Variants in CSF1 observed in about 807,000 individuals in gnomAD.
CSF1 encodes the protein colony stimulating factor 1, also known as macrophage colony-stimulating factor 1.
CSF1 carries 9 observed loss-of-function variants against 48.9 expected under a neutral mutation model. That is an observed-to-expected ratio of 0.18 (90% CI 0.11 to 0.32). The LOEUF is 0.32. CSF1 is among the 10% of genes least tolerant of loss of function. The probability of loss-of-function intolerance (pLI) is 1.00; values close to 1 mark genes in which losing one functional copy is unlikely to be tolerated. For missense variants in CSF1, 672 were observed against 697.9 expected (o/e 0.96, Z 0.42); for synonymous variants, 305 against 284.1 (o/e 1.07, Z -0.74).
At chr1:109,920,619 T>G (rs998667021) in intron 4 of CSF1, among the ~76,000 whole-genome samples, 9 of 152,264 alleles carry the variant, frequency 5.9e-5, no homozygotes, top group African/African-American at 2.2e-4. Flanking sequence ...ACCCGGCCTA[T>G]CTGGTAAACA....
intron 4 of CSF1, among the ~76,000 whole-genome samples, chr1:109,917,847 A>G (rs2101645694): frequency 6.6e-6 from 1 of 152,368 alleles, no homozygotes; most frequent in South Asian, 2.1e-4. Flanking sequence ...AACAGCTGTG[A>G]TGAAAACAGA....
At position 109,929,301 on chromosome 1, in the gene CSF1, G is replaced by A. The variant is rs1009611610; in HGVS notation, c.*463G>A. 1.3e-5 allele frequency: 2 copies of A among 152,766 alleles called. No individual in the cohort carries two copies. The highest frequency in any genetic ancestry group is 2.9e-5 in the Non-Finnish European group (2 of 68,130). The allele number at this position is 152,766 out of a possible 1,614,324, so 9.5% of individuals were successfully genotyped here. On this transcript the variant is annotated 3_prime_UTR_variant, in exon 9 of 9. Coordinates refer to ENST00000329608, the MANE Select transcript of CSF1 (RefSeq NM_000757.6). Reference sequence around the variant, plus strand: ...AAGGTATCCCAGCCTGGACAGGCATGGACCTGTCTCCAGAGAGAGGAGCCT... The same window carrying A: ...AAGGTATCCCAGCCTGGACAGGCATAGACCTGTCTCCAGAGAGAGGAGCCT...
intron 1 of CSF1, among the ~76,000 whole-genome samples, chr1:109,913,739 C>T (rs1654782378): frequency 6.6e-6 from 1 of 152,244 alleles, no homozygotes; most frequent in African/African-American, 2.4e-5. Flanking sequence ...TTTGATCCCA[C>T]AGTTTTTCCA....
intron 1 of CSF1, 39 bp from the exon 2 acceptor site, chr1:109,914,220 A>C (rs748292286): frequency 6.4e-7 from 1 of 1,564,852 alleles, no homozygotes; most frequent in Non-Finnish European, 8.7e-7. Flanking sequence ...AACTGGGGAG[A>C]GTGAGACCTG....
At chr1:109,914,640 G>T (rs1488638944) in intron 2 of CSF1, among the ~76,000 whole-genome samples, 1 of 152,254 alleles carries the variant, frequency 6.6e-6, no homozygotes, top group African/African-American at 2.4e-5. Flanking sequence ...GCTTGCCTGG[G>T]TTAGTGATTG....
chr1:109,923,737 C>T lies in CSF1; in HGVS notation c.1116C>T (p.Pro372=), dbSNP rs760997472. 1.1e-5 allele frequency: 18 copies of T among 1,611,216 alleles called. No homozygotes were observed. In the Admixed American group the frequency reaches 1.3e-4, roughly 12 times the overall value. ...GTACCGCCTTGCCCAGGGTGGGCCC[C>T]GTGAGGCCCACTGGCCAGGACTGGA... is the stretch of plus-strand genomic sequence containing the variant. ...VTGTALPRVG[P]VRPTGQDWNH... The change falls in exon 6 of 9, where the codon CCC becomes CCT. Residue 372 remains proline (P), a synonymous_variant. Transcript: ENST00000329608.
rs1051594800 is a variant in CSF1, at chr1:109,923,064, C to T, written c.545-102C>T. 5 of 1,195,770 alleles carry T rather than the reference C, an allele frequency of 4.2e-6. No homozygotes were observed. In the Admixed American group the frequency reaches 7.7e-5, roughly 18 times the overall value. 74.1% of individuals were successfully genotyped at this position (1,195,770 alleles called of 1,614,324 possible). A position where few individuals can be genotyped will look rare whatever the true frequency, so the allele number is the denominator to read the frequency against. On this transcript the variant is annotated intron_variant, in intron 5 of 8. Transcript: ENST00000329608. ...AGCTAGGAGATGAGGGCCCCCCAGACTCACATTCCCCTCTTGCCCCGCTCT... is the reference window on the plus strand; with the variant it reads ...AGCTAGGAGATGAGGGCCCCCCAGATTCACATTCCCCTCTTGCCCCGCTCT...
intron 1 of CSF1, among the ~76,000 whole-genome samples, chr1:109,912,811 A>G (rs915357): frequency 0.38 from 58,118 of 151,984 alleles, 11,959 homozygotes; most frequent in Non-Finnish European, 0.45. Flanking sequence ...CTGGGCCATT[A>G]TTCCCACCCA....
chr1:109,921,822 A>G (rs1318320153), intron 4 of CSF1, 25 bp from the exon 5 acceptor site: 1 of 1,535,074 alleles, frequency 6.5e-7, no homozygotes, highest in Admixed American at 2.0e-5. Flanking sequence ...CATGCTCACA[A>G]AAGGGGGCCC....
At chr1:109,912,525 C>G (rs1654731335) in intron 1 of CSF1, among the ~76,000 whole-genome samples, 1 of 152,160 alleles carries the variant, frequency 6.6e-6, no homozygotes, top group Non-Finnish European at 1.5e-5. Context: ...GGCCCCAGGT[C>G]CAGGGGTATC....
intron 4 of CSF1, among the ~76,000 whole-genome samples, chr1:109,918,752 C>T (rs1046712348): frequency 7.9e-5 from 12 of 152,016 alleles, no homozygotes; most frequent in Non-Finnish European, 1.0e-4. Context: ...GTGAGGTGCT[C>T]ATGAAATGGT....
chr1:109,928,240 G>T (rs1647926302), intron 8 of CSF1, among the ~76,000 whole-genome samples: 1 of 152,224 alleles, frequency 6.6e-6, no homozygotes, highest in Non-Finnish European at 1.5e-5. Context: ...AAGGCCCTCG[G>T]CCCATCCAGG....
rs1013367235 is a variant in CSF1 at position 109,923,120 on chromosome 1, A to G, written c.545-46A>G. Reference sequence around the variant, plus strand: ...AGCTGTGCTGGAGGCTAGTGACTCTATCTCCTCCCCATCTTTCTCTCTCCT... The same window carrying G: ...AGCTGTGCTGGAGGCTAGTGACTCTGTCTCCTCCCCATCTTTCTCTCTCCT... On this transcript the variant is annotated intron_variant, in intron 5 of 8. Transcript: ENST00000329608. The G allele has an allele frequency of 6.0e-6, 9 of 1,487,742 alleles. No individual in the cohort carries two copies. The Admixed American group carries it at 9.4e-5, about 16-fold the overall frequency. The allele number at this position is 1,487,742 out of a possible 1,614,324, so 92.2% of individuals were successfully genotyped here. A position where few individuals can be genotyped will look rare whatever the true frequency, so the allele number is the denominator to read the frequency against.
intron 6 of CSF1, 47 bp from the exon 7 acceptor site, chr1:109,924,729 C>G: frequency 6.5e-7 from 1 of 1,539,338 alleles, no homozygotes; most frequent in East Asian, 2.4e-5. Flanking sequence ...CCACCGCCCC[C>G]CCACACTCCC....
chr1:109,916,837 A>G (rs1647242282), intron 3 of CSF1, among the ~76,000 whole-genome samples: 1 of 152,174 alleles, frequency 6.6e-6, no homozygotes, highest in Admixed American at 6.5e-5. Context: ...GGCAACTACC[A>G]TCTCTTTAGG....
At position 109,914,298 on chromosome 1, in the gene CSF1, G is replaced by A; in HGVS notation, c.79G>A (p.Ala27Thr). 1.2e-6 allele frequency: 2 copies of A among 1,607,850 alleles called. No individual in the cohort carries two copies. Among genetic ancestry groups the A allele is most frequent in the South Asian group, 2.2e-5 (2 of 89,128 alleles). Reference sequence around the variant, plus strand: ...CCTGCTGTTGTTGGTCTGTCTCCTGGCGAGCAGGAGTATCACCGAGGAGGT... The same window carrying A: ...CCTGCTGTTGTTGGTCTGTCTCCTGACGAGCAGGAGTATCACCGAGGAGGT... ...GSLLLLVCLLASRSITEEVSE... is the reference protein window; with the variant it reads ...GSLLLLVCLLTSRSITEEVSE... Residue 27 changes from alanine (A) to threonine (T), a missense_variant, in exon 2 of 9, where the codon GCG (alanine) becomes ACG (threonine). Ala to Thr is a moderately conservative substitution (Grantham distance 58). This residue lies in a region of CSF1 where 53 missense variants were observed against 45.5 expected (regional missense o/e 1.17). Transcript: ENST00000329608.
At chr1:109,926,452 T>G (rs143072960) in intron 8 of CSF1, 24 of 152,388 alleles carry the variant, frequency 1.6e-4, no homozygotes, top group African/African-American at 4.8e-4. Context: ...CTACTGAAGT[T>G]GTGTGAAATC....
Position 109,915,781 on chromosome 1 carries a change from A to T in CSF1, c.225+85A>T, listed in dbSNP as rs986051868. On this transcript the variant is annotated intron_variant, in intron 3 of 8. Coordinates refer to ENST00000329608, the MANE Select transcript of CSF1 (RefSeq NM_000757.6). ...GTGTGTGGGGGAGCATGAAAGCGGC[A>T]GAATGCCTACTGCTGGAAAGGGTGA... 5 of 1,138,898 alleles carry T rather than the reference A, an allele frequency of 4.4e-6. No individual in the cohort carries two copies. The African/African-American group carries it at 7.6e-5, about 17-fold the overall frequency. The allele number at this position is 1,138,898 out of a possible 1,614,324, so 70.5% of individuals were successfully genotyped here.
At position 109,915,713 on chromosome 1, in the gene CSF1, T is replaced by C; in HGVS notation, c.225+17T>C. 1 of 1,607,864 alleles carries C rather than the reference T, an allele frequency of 6.2e-7. No homozygotes were observed. Among genetic ancestry groups the C allele is most frequent in the Non-Finnish European group, 8.5e-7 (1 of 1,174,362 alleles). On this transcript the variant is annotated intron_variant, in intron 3 of 8. Coordinates refer to ENST00000329608, the MANE Select transcript of CSF1 (RefSeq NM_000757.6). ...GAACAGTTGGTGAGTGATGGCTTTT[T>C]ACAAAATCCATGCACCAGCCTGCAT...
Sources: gnomAD v4.1 joint callset for allele counts (sites outside exome capture counted in the v4.1 genomes callset) on GRCh38, gnomAD v4.1.1 for gene constraint, gnomAD v4.1.1 regional missense constraint, MANE v1.5 for transcripts, NCBI Gene and HGNC (gene_info 2026-07-23, HGNC 2026-07-21) for gene names.